Variants in VRTN observed in about 807,000 individuals in gnomAD.
The protein encoded by VRTN is vertnin.
VRTN carries 5 observed loss-of-function variants against 18.2 expected under a neutral mutation model. The ratio of observed to expected loss-of-function variants is 0.27; its 90% confidence interval spans 0.14 to 0.58. VRTN has a LOEUF of 0.58. Among genes scored for constraint, VRTN ranks in the 20% least tolerant of loss-of-function variants. VRTN has a pLI of 0.91. For synonymous variants in VRTN, 381 were observed against 393.7 expected (o/e 0.97, Z 0.38); for missense variants, 741 against 939.4 (o/e 0.79, Z 2.76).
chr14:74,316,015 G>A (rs1036588741), intron 1 of VRTN, among the ~76,000 whole-genome samples: 7 of 152,182 alleles, frequency 4.6e-5, no homozygotes, highest in Admixed American at 2.0e-4. Context: ...ATTCTCTCTT[G>A]TAGCTGAGGC....
At chr14:74,339,576 C>T (rs142949499) in intron 2 of VRTN, among the ~76,000 whole-genome samples, 1 of 152,164 alleles carries the variant, frequency 6.6e-6, no homozygotes, top group East Asian at 1.9e-4. Flanking sequence ...CTTCAGGGGC[C>T]AAGGCAGTGG....
At chr14:74,309,578 C>T (rs2085375236) in intron 1 of VRTN, among the ~76,000 whole-genome samples, 1 of 152,172 alleles carries the variant, frequency 6.6e-6, no homozygotes, top group Non-Finnish European at 1.5e-5. Flanking sequence ...GGGCTCACTG[C>T]AGCCTCAACA....
intron 2 of VRTN, among the ~76,000 whole-genome samples, chr14:74,340,972 G>C (rs1014487163): frequency 1.3e-5 from 2 of 151,542 alleles, no homozygotes; most frequent in Non-Finnish European, 1.5e-5. Context: ...TTGATCTCCT[G>C]ACCCTGTGAT....
chr14:74,340,108 G>GTT (rs1312585157), intron 2 of VRTN, among the ~76,000 whole-genome samples: 1 of 110,760 alleles, frequency 9.0e-6, no homozygotes, highest in African/African-American at 4.0e-5. Flanking sequence ...GCTAATGTTT[G>GTT]TATTTTTTTT....
intron 1 of VRTN, among the ~76,000 whole-genome samples, chr14:74,355,411 T>A (rs2085718849): frequency 6.6e-6 from 1 of 152,148 alleles, no homozygotes; most frequent in Non-Finnish European, 1.5e-5. Context: ...ATGGAGACAT[T>A]CATCATACCT....
intron 1 of VRTN, chr14:74,305,580 A>G (rs146329712): frequency 5.9e-4 from 109 of 185,720 alleles, no homozygotes; most frequent in African/African-American, 2.5e-3. Context: ...TCATCTTCCA[A>G]AGAGAACAGC....
intron 1 of VRTN, among the ~76,000 whole-genome samples, 153 bp downstream of exon 1, chr14:74,348,805 G>A (rs1264649952): frequency 6.6e-6 from 1 of 152,094 alleles, no homozygotes; most frequent in Non-Finnish European, 1.5e-5. Context: ...ATGTGTGTCT[G>A]GGAGTGTATG....
chr14:74,314,634 C>A (rs1410439375), intron 1 of VRTN, among the ~76,000 whole-genome samples: 1 of 152,010 alleles, frequency 6.6e-6, no homozygotes, highest in African/African-American at 2.4e-5. Flanking sequence ...TATCTCCTGA[C>A]CTCCATGATC....
chr14:74,314,603 C>A (rs1211050271), intron 1 of VRTN, among the ~76,000 whole-genome samples: 2 of 151,794 alleles, frequency 1.3e-5, no homozygotes, highest in Non-Finnish European at 2.9e-5. Flanking sequence ...GGGGTTTCAT[C>A]GAGTTAGCCA....
intron 1 of VRTN, among the ~76,000 whole-genome samples, chr14:74,355,283 A>G (rs1381982744): frequency 6.6e-6 from 1 of 152,188 alleles, no homozygotes; most frequent in African/African-American, 2.4e-5. Flanking sequence ...TTTTGAGAAA[A>G]TATCTGCCAA....
intron 1 of VRTN, among the ~76,000 whole-genome samples, chr14:74,330,315 TAA>T (rs1185014310): frequency 6.6e-6 from 1 of 152,106 alleles, no homozygotes; most frequent in Non-Finnish European, 1.5e-5. Context: ...ACATGAAAAC[TAA>T]ACAGATACTA....
At chr14:74,352,895 T>C (rs1211137450) in intron 1 of VRTN, among the ~76,000 whole-genome samples, 1 of 152,238 alleles carries the variant, frequency 6.6e-6, no homozygotes, top group East Asian at 1.9e-4. Flanking sequence ...AATACCACTC[T>C]GCTTTGCAAC....
chr14:74,350,715 A>G (rs10141786), intron 1 of VRTN, among the ~76,000 whole-genome samples: 100,774 of 152,042 alleles, frequency 0.66, 34,418 homozygotes, highest in African/African-American at 0.84. Context: ...TAAACCCGGA[A>G]CCTCCAGGTG....
chr14:74,320,510 C>T (rs1224772965), intron 1 of VRTN, among the ~76,000 whole-genome samples: 1 of 147,046 alleles, frequency 6.8e-6, no homozygotes, highest in Non-Finnish European at 1.5e-5. Flanking sequence ...GATCCGCCCG[C>T]CTTGGCCTCC....
intron 1 of VRTN, among the ~76,000 whole-genome samples, chr14:74,349,151 T>C (rs942032605): frequency 2.6e-5 from 4 of 152,202 alleles, no homozygotes; most frequent in Admixed American, 2.0e-4. Context: ...ATTGACTTGG[T>C]GGCCTCAGGC....
intron 1 of VRTN, among the ~76,000 whole-genome samples, chr14:74,333,594 C>A (rs2085543127): frequency 6.6e-6 from 1 of 151,888 alleles, no homozygotes; most frequent in African/African-American, 2.4e-5. Context: ...AATCCCAGCA[C>A]TTTGGGAGGC....
chr14:74,310,668 G>A (rs2085382655), intron 1 of VRTN, among the ~76,000 whole-genome samples: 1 of 151,154 alleles, frequency 6.6e-6, no homozygotes, highest in Non-Finnish European at 1.5e-5. Flanking sequence ...CTCCCAAGTA[G>A]CTGGGACCAC....
In VRTN at chr14:74,358,554, C is replaced by T. The variant is rs781768914; in HGVS notation, c.1771C>T (p.Pro591Ser). ...GGATGTGACAGCTGTGATGGCCCCA[C>T]CTGTGGGGGCTTCTTCAGAAGATGT... ...GRDVTAVMAP[P>S]VGASSEDVEG... Residue 591 changes from proline to serine, a missense_variant, in exon 2 of 2, where the codon CCT becomes TCT. By Grantham distance (74) the Pro-to-Ser change is moderately conservative (BLOSUM62 -1). Coordinates refer to ENST00000256362, the MANE Select transcript of VRTN (RefSeq NM_018228.3). The surrounding 1 kb of genome is among the most constrained non-coding windows in gnomAD (Gnocchi z 5.4). The T allele has an allele frequency of 2.9e-5, 47 of 1,609,510 alleles. No individual in the cohort carries two copies. Among genetic ancestry groups the T allele is most frequent in the African/African-American group, 5.3e-5 (4 of 74,770 alleles).
intron 1 of VRTN, among the ~76,000 whole-genome samples, chr14:74,350,253 G>A (rs2078176548): frequency 6.6e-6 from 1 of 152,142 alleles, no homozygotes; most frequent in Non-Finnish European, 1.5e-5. Context: ...TGAGTGTGGA[G>A]CTGCTTTTCC....
Sources: gnomAD v4.1 joint callset for allele counts (sites outside exome capture counted in the v4.1 genomes callset) on GRCh38, gnomAD v4.1.1 for gene constraint, Gnocchi (gnomAD v3.1) non-coding constraint, MANE v1.5 for transcripts, NCBI Gene and HGNC (gene_info 2026-07-23, HGNC 2026-07-21) for gene names.